The following ZNF804B variants were observed in gnomAD, a reference collection of about 807,000 sequenced individuals.
ZNF804B encodes zinc finger protein 804B.
A neutral mutation model predicts 101.4 loss-of-function variants in ZNF804B; 80 were observed. The observed-to-expected ratio is 0.79, with a 90% CI of 0.66 to 0.95. The LOEUF (loss-of-function observed/expected upper bound fraction) is 0.95. Ranked by LOEUF, ZNF804B falls within the 40% of genes least tolerant of loss-of-function variation. The pLI, the probability that ZNF804B is intolerant of heterozygous loss-of-function variation, is 0.00. For missense variants in ZNF804B, 1,673 were observed against 1,561.9 expected (o/e 1.07, Z -1.20); for synonymous variants, 622 against 558.8 (o/e 1.11, Z -1.59).
At chr7:89,272,950 G>A (rs1179888857) in intron 2 of ZNF804B, among the ~76,000 whole-genome samples, 2 of 151,074 alleles carry the variant, frequency 1.3e-5, no homozygotes, top group African/African-American at 2.4e-5. Flanking sequence ...TGTAATGCAC[G>A]GAAAAAAAAA....
intron 1 of ZNF804B, among the ~76,000 whole-genome samples, chr7:88,878,853 G>A (rs1362833170): frequency 6.6e-6 from 1 of 151,964 alleles, no homozygotes; most frequent in Non-Finnish European, 1.5e-5. Flanking sequence ...CAATTAATTT[G>A]TTGTCTACAC....
Position 89,335,695 on chromosome 7 carries a change from A to G in ZNF804B, c.2713A>G (p.Ser905Gly). Residue 905 changes from serine (S) to glycine (G), a missense_variant, in exon 4 of 4, where the codon AGT (serine) becomes GGT (glycine). Physicochemically the swap from Ser to Gly is moderately conservative, Grantham distance 56. Coordinates refer to ENST00000333190, the MANE Select transcript of ZNF804B (RefSeq NM_181646.5). The stretch of plus-strand genomic sequence containing the variant: ...CAGCTGCCTTCTAAAGAACTGTTCC[A>G]GTGGCCCTTCAGAAACCACAGAATC... ...NISCLLKNCSSGPSETTESNT... is the reference protein window; with the variant it reads ...NISCLLKNCSGGPSETTESNT... The G allele has an allele frequency of 6.2e-7, 1 of 1,614,088 alleles. No homozygotes were observed. The highest frequency in any genetic ancestry group is 8.5e-7 in the Non-Finnish European group (1 of 1,179,976).
At chr7:88,958,834 C>T (rs930961895) in intron 1 of ZNF804B, among the ~76,000 whole-genome samples, 18 of 151,430 alleles carry the variant, frequency 1.2e-4, no homozygotes, top group East Asian at 7.8e-4. Flanking sequence ...AGGAATTCTA[C>T]GGCACTCATT....
At chr7:88,798,186 T>C (rs1339716159) in intron 1 of ZNF804B, among the ~76,000 whole-genome samples, 2 of 152,104 alleles carry the variant, frequency 1.3e-5, no homozygotes, top group East Asian at 3.9e-4. Flanking sequence ...CATGTGTCTT[T>C]CTACCTTTTA....
At chr7:88,912,418 C>G (rs889566262) in intron 1 of ZNF804B, among the ~76,000 whole-genome samples, 3 of 152,030 alleles carry the variant, frequency 2.0e-5, no homozygotes, top group Non-Finnish European at 4.4e-5. Flanking sequence ...TGTTGGTGAG[C>G]AACATTTTTT....
intron 1 of ZNF804B, among the ~76,000 whole-genome samples, chr7:88,978,850 C>T (rs1793655770): frequency 7.4e-6 from 1 of 135,566 alleles, no homozygotes; most frequent in South Asian, 2.7e-4. Flanking sequence ...TTCTTTCCTT[C>T]CTTTCTTCCT....
At chr7:89,263,974 T>C (rs1057021720) in intron 2 of ZNF804B, among the ~76,000 whole-genome samples, 1 of 152,226 alleles carries the variant, frequency 6.6e-6, no homozygotes, top group Admixed American at 6.5e-5. Context: ...AATAAAGGTA[T>C]CTTCTTCTAT....
intron 1 of ZNF804B, among the ~76,000 whole-genome samples, chr7:89,171,587 A>G (rs1033392865): frequency 6.6e-6 from 1 of 151,816 alleles, no homozygotes; most frequent in Non-Finnish European, 1.5e-5. Context: ...ACCTTGTGCC[A>G]CCACACCTGG....
chr7:89,225,962 G>C (rs569001180), intron 2 of ZNF804B, among the ~76,000 whole-genome samples: 10 of 152,210 alleles, frequency 6.6e-5, no homozygotes, highest in African/African-American at 2.4e-4. Flanking sequence ...GAGACAATAG[G>C]AGTCTTTATA....
At chr7:89,053,965 T>C (rs1264074413) in intron 1 of ZNF804B, among the ~76,000 whole-genome samples, 1 of 152,098 alleles carries the variant, frequency 6.6e-6, no homozygotes, top group African/African-American at 2.4e-5. Flanking sequence ...TCACTCACTA[T>C]TCAATTACAG....
At chr7:89,040,807 A>C (rs545982088) in intron 1 of ZNF804B, among the ~76,000 whole-genome samples, 1 of 152,210 alleles carries the variant, frequency 6.6e-6, no homozygotes, top group South Asian at 2.1e-4. Flanking sequence ...TATTACGTGC[A>C]GTTTATCTGA....
chr7:89,140,614 C>T (rs1452886330), intron 1 of ZNF804B, among the ~76,000 whole-genome samples: 1 of 152,070 alleles, frequency 6.6e-6, no homozygotes, highest in Non-Finnish European at 1.5e-5. Flanking sequence ...ATGAACCAAC[C>T]TCTGCTAGCT....
At chr7:89,230,555 A>G (rs1226267228) in intron 2 of ZNF804B, among the ~76,000 whole-genome samples, 4 of 152,160 alleles carry the variant, frequency 2.6e-5, no homozygotes, top group African/African-American at 7.2e-5. Flanking sequence ...ATAAGACGGT[A>G]TGGTATCGTC....
At chr7:88,915,427 AG>A (rs1792616983) in intron 1 of ZNF804B, among the ~76,000 whole-genome samples, 1 of 152,094 alleles carries the variant, frequency 6.6e-6, no homozygotes, top group African/African-American at 2.4e-5. Flanking sequence ...CAACTTAAAC[AG>A]AAACTTAAAA....
chr7:89,176,591 C>CTT lies in ZNF804B; in HGVS notation c.109-41548_109-41547dup, dbSNP rs35866405. ...CTTTTTTTTCTTTCTTTCTTTCTTT[C>CTT]TTTTTTTTTTTTTTTTTCATGTTTC... On this transcript the variant is annotated intron_variant, in intron 1 of 3. Transcript: ENST00000333190. 8.3e-4 allele frequency among the ~76,000 whole-genome samples: 60 copies of CTT among 71,958 alleles called. 1 individual carries two copies. The East Asian group carries it at 8.6e-3, about 10-fold the overall frequency. 47.2% of individuals were successfully genotyped at this position (71,958 alleles called of 152,430 possible).
Position 89,338,193 on chromosome 7 carries a change from A to C in ZNF804B, c.*1161A>C, listed in dbSNP as rs1228973639. ...TTCTTAAGCATGAGTTTCAGAGAAA[A>C]TCAAACTTAACAGAAATGGAGGTAA... is the stretch of plus-strand genomic sequence containing the variant. On this transcript the variant is annotated 3_prime_UTR_variant, in exon 4 of 4. Coordinates refer to ENST00000333190, the MANE Select transcript of ZNF804B (RefSeq NM_181646.5). 2.6e-5 allele frequency among the ~76,000 whole-genome samples: 4 copies of C among 152,102 alleles called. No individual in the cohort carries two copies. The highest frequency in any genetic ancestry group is 6.5e-5 in the Admixed American group (1 of 15,270).
Position 89,337,881 on chromosome 7 carries a change from A to C in ZNF804B, c.*849A>C, listed in dbSNP as rs1791128123. 6.6e-6 allele frequency among the ~76,000 whole-genome samples: 1 copy of C among 152,218 alleles called. No homozygotes were observed. The highest frequency in any genetic ancestry group is 1.9e-4 in the East Asian group (1 of 5,182). Reference sequence around the variant, plus strand: ...ATATTGTTTATTATTCTTCTACTCAAAAATTTTACTACGTTCAGCCAATAC... The same window carrying C: ...ATATTGTTTATTATTCTTCTACTCACAAATTTTACTACGTTCAGCCAATAC... On this transcript the variant is annotated 3_prime_UTR_variant, in exon 4 of 4. Transcript: ENST00000333190.
At chr7:89,180,579 A>G (rs895522732) in intron 1 of ZNF804B, among the ~76,000 whole-genome samples, 1 of 151,984 alleles carries the variant, frequency 6.6e-6, no homozygotes, top group Non-Finnish European at 1.5e-5. Flanking sequence ...AGCTAAGCCT[A>G]CAATGGGGGT....
chr7:88,914,946 A>G (rs1349843921), intron 1 of ZNF804B, among the ~76,000 whole-genome samples: 1 of 152,106 alleles, frequency 6.6e-6, no homozygotes, highest in Non-Finnish European at 1.5e-5. Context: ...CTAATTTGGA[A>G]CCTCATTTCT....
Sources: gnomAD v4.1 joint callset for allele counts (sites outside exome capture counted in the v4.1 genomes callset) on GRCh38, gnomAD v4.1.1 for gene constraint, MANE v1.5 for transcripts, NCBI Gene and HGNC (gene_info 2026-07-23, HGNC 2026-07-21) for gene names.